The following MTOR variants were observed in gnomAD, a reference collection of about 807,000 sequenced individuals.
The protein encoded by MTOR is mechanistic target of rapamycin kinase.
Under a neutral mutation model 319.8 loss-of-function variants are expected in MTOR, and 70 were observed. That is an observed-to-expected ratio of 0.22 (90% CI 0.18 to 0.27). The LOEUF (loss-of-function observed/expected upper bound fraction) is 0.27. Among genes scored for constraint, MTOR ranks in the 10% least tolerant of loss-of-function variants. The pLI is 1.00. For synonymous variants in MTOR, 1,183 were observed against 1,211.4 expected (o/e 0.98, Z 0.49); for missense variants, 1,890 against 3,274.4 (o/e 0.58, Z 10.32).
chr1:11,115,527 C>A lies in MTOR; in HGVS notation c.7017-59G>T. The A allele has an allele frequency of 6.6e-7, 1 of 1,522,918 alleles. No homozygotes were observed. Among genetic ancestry groups the A allele is most frequent in the South Asian group, 1.1e-5 (1 of 89,170 alleles). 94.3% of individuals were successfully genotyped at this position (1,522,918 alleles called of 1,614,324 possible). A position where few individuals can be genotyped will look rare whatever the true frequency, so the allele number is the denominator to read the frequency against. On this transcript the variant is annotated intron_variant, in intron 50 of 57. Transcript: ENST00000361445. This position sits in a 1 kb window ranked among gnomAD's most constrained non-coding sequence, Gnocchi z 4.5. ...CAACAGAGATAACGGATGAAAAAAT[C>A]AATAAGTACGTGATACTGTAAGCTA...
In MTOR at chr1:11,238,559, G is replaced by C; in HGVS notation, c.1845C>G (p.His615Gln). 6.2e-7 allele frequency: 1 copy of C among 1,614,196 alleles called. No homozygotes were observed. Among genetic ancestry groups the C allele is most frequent in the Non-Finnish European group, 8.5e-7 (1 of 1,180,038 alleles). The change falls in exon 12 of 58, where the codon CAC becomes CAG. Residue 615 changes from histidine (H) to glutamine (Q), a missense_variant. His to Gln is a conservative substitution (Grantham distance 24, BLOSUM62 0). Transcript: ENST00000361445. ...HCADHFLNSE[H>Q]KEIRMEAART... is the part of the protein sequence containing the mutation. ...GGGCAGCCTCCATGCGGATCTCCTT[G>C]TGCTCACTGTTCAGGAAATGATCCG... is the stretch of plus-strand genomic sequence containing the variant.
At chr1:11,248,735 C>G (rs1649183419) in intron 6 of MTOR, among the ~76,000 whole-genome samples, 1 of 152,096 alleles carries the variant, frequency 6.6e-6, no homozygotes, top group Admixed American at 6.6e-5. Context: ...TCACTTGAAC[C>G]CAGCAGGCAG....
At chr1:11,256,902 CCTGG>C in intron 4 of MTOR, 27 bp downstream of exon 4, 1 of 1,599,966 alleles carries the variant, frequency 6.3e-7, no homozygotes, top group Non-Finnish European at 8.5e-7. Flanking sequence ...GTTCCCCAAG[CCTGG>C]CTGTGCTCCT....
chr1:11,202,586 C>G (rs1646012623), intron 26 of MTOR, among the ~76,000 whole-genome samples: 1 of 151,600 alleles, frequency 6.6e-6, no homozygotes. Flanking sequence ...TGTAACAAAC[C>G]TGCACCTGTA....
At chr1:11,256,845 A>T (rs1026271651) in intron 4 of MTOR, 88 bp downstream of exon 4, 11 of 1,308,860 alleles carry the variant, frequency 8.4e-6, no homozygotes, top group Non-Finnish European at 1.1e-5. Flanking sequence ...AGCTTTTTTA[A>T]GGAATGAGCC....
chr1:11,186,854 A>AG (rs201343181), intron 28 of MTOR, among the ~76,000 whole-genome samples: 1,720 of 152,232 alleles, frequency 0.011, 67 homozygotes, highest in South Asian at 0.065. Context: ...TCAAAACTGG[A>AG]GGGGGGGTGA....
At chr1:11,147,688 G>A (rs982894533) in intron 31 of MTOR, among the ~76,000 whole-genome samples, 1 of 152,186 alleles carries the variant, frequency 6.6e-6, no homozygotes, top group Non-Finnish European at 1.5e-5. Flanking sequence ...AAAGGTATAA[G>A]CTCTGTGACT....
At chr1:11,131,105 G>A (rs550668831) in intron 38 of MTOR, 4 of 356,646 alleles carry the variant, frequency 1.1e-5, no homozygotes, top group African/African-American at 8.3e-5. Context: ...TACTCTGCAA[G>A]GCACAATGGG....
intron 36 of MTOR, among the ~76,000 whole-genome samples, chr1:11,137,521 A>C (rs1014283378): frequency 5.9e-5 from 9 of 152,214 alleles, no homozygotes; most frequent in African/African-American, 2.2e-4. Flanking sequence ...TTTTCTATTT[A>C]AAATTTGTTT....
At chr1:11,143,793 C>T (rs753894952) in intron 34 of MTOR, 2 of 151,988 alleles carry the variant, frequency 1.3e-5, no homozygotes, top group Non-Finnish European at 2.9e-5. Context: ...TTTATAATTG[C>T]GGGGATGGAT....
intron 50 of MTOR, 114 bp downstream of exon 50, chr1:11,116,890 A>G (rs559918444): frequency 1.3e-6 from 1 of 783,108 alleles, no homozygotes; most frequent in Non-Finnish European, 2.1e-6. Flanking sequence ...TACATATACA[A>G]TACCAATATT....
rs769197073 is a variant in MTOR, at chr1:11,130,661, G to A, written c.5481C>T (p.Asn1827=). 12 of 1,612,806 alleles carry A rather than the reference G, an allele frequency of 7.4e-6. No individual in the cohort carries two copies. The highest frequency in any genetic ancestry group is 5.0e-5 in the Admixed American group (3 of 59,748). ...CGGCCGTGGTGGCGGCAGTGGTGGC[G>A]TTGGTGATGTTGGCCCCGCTGGCAT... The part of the protein sequence containing the change: ...LRHASGANIT[N]ATTAATTAAT... Residue 1827 remains asparagine (N), a synonymous_variant, in exon 39 of 58, where the codon AAC becomes AAT. Coordinates refer to ENST00000361445, the MANE Select transcript of MTOR (RefSeq NM_004958.4).
At chr1:11,248,664 T>G (rs1173653731) in intron 6 of MTOR, among the ~76,000 whole-genome samples, 8 of 151,592 alleles carry the variant, frequency 5.3e-5, no homozygotes, top group Admixed American at 5.3e-4. Flanking sequence ...ATACAAAAAA[T>G]TAGCTGGGCG....
chr1:11,168,469 T>C (rs1644715585), intron 28 of MTOR, among the ~76,000 whole-genome samples: 1 of 152,200 alleles, frequency 6.6e-6, no homozygotes, highest in African/African-American at 2.4e-5. Context: ...TGCACGTCAA[T>C]GACAGAACCC....
In MTOR at chr1:11,126,719, T is replaced by C. The variant is rs1642858979; in HGVS notation, c.6429A>G (p.Thr2143=). Residue 2143 remains threonine, a synonymous_variant, in exon 46 of 58, where the codon ACA becomes ACG. Coordinates refer to ENST00000361445, the MANE Select transcript of MTOR (RefSeq NM_004958.4). ...GAATGATTGGCTGGTTGGGGTCATA[T>C]GTTCCTGGCACAGCCAATTCAAGGT... The part of the protein sequence containing the change: ...CRDLELAVPG[T]YDPNQPIIRI... The C allele has an allele frequency of 5.0e-6, 8 of 1,614,134 alleles. No homozygotes were observed. The African/African-American group carries it at 8.0e-5, about 16-fold the overall frequency.
intron 24 of MTOR, among the ~76,000 whole-genome samples, chr1:11,210,610 C>T (rs1238225249): frequency 6.6e-6 from 1 of 152,190 alleles, no homozygotes; most frequent in Non-Finnish European, 1.5e-5. Flanking sequence ...TCATCATTTA[C>T]ACATTGTGTA....
At chr1:11,256,858 A>T (rs1198714911) in intron 4 of MTOR, 75 bp downstream of exon 4, 1 of 1,420,068 alleles carries the variant, frequency 7.0e-7, no homozygotes, top group Non-Finnish European at 9.7e-7. Context: ...AATGAGCCTC[A>T]GAAGGAAGCA....
chr1:11,259,344 C>G lies in MTOR; in HGVS notation c.66G>C (p.Leu22=), dbSNP rs1189165210. 1 of 1,610,162 alleles carries G rather than the reference C, an allele frequency of 6.2e-7. No homozygotes were observed. The highest frequency in any genetic ancestry group is 2.2e-5 in the East Asian group (1 of 44,680). ...TCTTTAGGCCACTGGCAAACTGCTG[C>G]AGGACGCTCACATTGCTAGATGTGG... ...AATTSSNVSV[L]QQFASGLKSR... The change falls in exon 2 of 58, where the codon CTG becomes CTC. Residue 22 remains leucine (L), a synonymous_variant. Coordinates refer to ENST00000361445, the MANE Select transcript of MTOR (RefSeq NM_004958.4).
At position 11,233,459 on chromosome 1, in the gene MTOR, T is replaced by C; in HGVS notation, c.2360A>G (p.Asp787Gly). The C allele has an allele frequency of 6.2e-7, 1 of 1,614,100 alleles. No individual in the cohort carries two copies. Among genetic ancestry groups the C allele is most frequent in the Non-Finnish European group, 8.5e-7 (1 of 1,179,980 alleles). Residue 787 changes from aspartate to glycine, a missense_variant, in exon 15 of 58, where the codon GAC (aspartate) becomes GGC (glycine). By Grantham distance (94) the Asp-to-Gly change is moderately conservative. Around this residue, in one of 15 missense-constraint regions of MTOR, gnomAD observed 377 missense variants for 653.9 expected, o/e 0.58. Transcript: ENST00000361445. ...GATCACACCTGGGTTTGGATCAGGG[T>C]CTGGATCTTTCAGTTTCAAAATTAA... ...KALILKLKDP[D>G]PDPNPGVINN...
Sources: allele counts gnomAD v4.1 joint callset (sites outside exome capture counted in the v4.1 genomes callset), GRCh38; gene constraint gnomAD v4.1.1; regional missense constraint gnomAD v4.1.1; non-coding constraint Gnocchi (gnomAD v3.1); transcripts MANE v1.5; gene names NCBI Gene and HGNC (gene_info 2026-07-23, HGNC 2026-07-21).